Variants in DPP10 observed in about 807,000 individuals in gnomAD.
DPP10 encodes the protein dipeptidyl peptidase like 10.
DPP10 carries 33 observed loss-of-function variants against 120.9 expected under a neutral mutation model. The ratio of observed to expected loss-of-function variants is 0.27; its 90% CI spans 0.21 to 0.37. The LOEUF (loss-of-function observed/expected upper bound fraction) is 0.37, where lower values mean the gene tolerates loss of function less well. Ranked by LOEUF, DPP10 falls within the 10% of genes least tolerant of loss-of-function variation. DPP10 has a pLI of 1.00. For missense variants in DPP10, 816 were observed against 942.8 expected, an observed-to-expected ratio of 0.87 and a Z score of 1.76; for synonymous variants, 337 against 326.1, an observed-to-expected ratio of 1.03 and a Z score of -0.36.
chr2:114,855,667 T>C (rs1689313148), intron 1 of DPP10, among the ~76,000 whole-genome samples: 1 of 152,164 alleles, frequency 6.6e-6, no homozygotes, highest in African/African-American at 2.4e-5. Context: ...TAGAGACAAG[T>C]AGAGACCCTA....
chr2:114,830,789 G>A (rs541984465), intron 1 of DPP10, among the ~76,000 whole-genome samples: 26 of 151,888 alleles, frequency 1.7e-4, no homozygotes, highest in Middle Eastern at 3.4e-3. Context: ...GTATTAAATA[G>A]TAACTTACTC....
chr2:115,215,673 A>C (rs1216779901), intron 1 of DPP10, among the ~76,000 whole-genome samples: 1 of 152,226 alleles, frequency 6.6e-6, no homozygotes, highest in African/African-American at 2.4e-5. Flanking sequence ...ATATGTATTA[A>C]TACAACCCCT....
At chr2:115,360,602 A>T (rs563729052) in intron 3 of DPP10, among the ~76,000 whole-genome samples, 46 of 151,932 alleles carry the variant, frequency 3.0e-4, no homozygotes, top group African/African-American at 9.7e-4. Context: ...TCAGGGGATG[A>T]CTCTCTCACC....
At chr2:115,592,785 A>C (rs994395273) in intron 5 of DPP10, among the ~76,000 whole-genome samples, 1 of 151,848 alleles carries the variant, frequency 6.6e-6, no homozygotes, top group Admixed American at 6.6e-5. Context: ...AGAAAAAAGA[A>C]AGAAAGGAAA....
intron 1 of DPP10, among the ~76,000 whole-genome samples, chr2:115,192,219 G>A (rs1293541249): frequency 1.3e-5 from 2 of 152,168 alleles, no homozygotes; most frequent in Non-Finnish European, 2.9e-5. Context: ...TGCATTATTA[G>A]CAGTTGTACT....
At chr2:114,988,750 A>G (rs1183171541) in intron 1 of DPP10, among the ~76,000 whole-genome samples, 2 of 152,188 alleles carry the variant, frequency 1.3e-5, no homozygotes, top group Non-Finnish European at 2.9e-5. Flanking sequence ...TGACCTCTTA[A>G]TCGTTAAATT....
chr2:115,207,992 T>C (rs1559241296), intron 1 of DPP10, among the ~76,000 whole-genome samples: 3 of 152,128 alleles, frequency 2.0e-5, no homozygotes, highest in Admixed American at 1.3e-4. Flanking sequence ...ATGAATCTAT[T>C]AGCCGATGTA....
At chr2:114,742,711 T>C (rs1678184049) in intron 1 of DPP10, among the ~76,000 whole-genome samples, 1 of 152,258 alleles carries the variant, frequency 6.6e-6, no homozygotes, top group Non-Finnish European at 1.5e-5. Flanking sequence ...GAAACAATAC[T>C]GGTGATCGAA....
intron 1 of DPP10, among the ~76,000 whole-genome samples, chr2:114,997,224 GCACGCCTGTAATTC>G: frequency 6.6e-6 from 1 of 151,220 alleles, no homozygotes; most frequent in Admixed American, 6.6e-5. Flanking sequence ...AGTCATAGAT[GCACGCCTGTAATTC>G]CAGGACTTTA....
chr2:115,625,369 A>C (rs1475795769), intron 5 of DPP10, among the ~76,000 whole-genome samples: 1 of 152,172 alleles, frequency 6.6e-6, no homozygotes, highest in African/African-American at 2.4e-5. Context: ...TTCTGACAAA[A>C]ACAGTCCCAT....
chr2:115,085,833 A>G (rs1160578060), intron 1 of DPP10, among the ~76,000 whole-genome samples: 1 of 152,234 alleles, frequency 6.6e-6, no homozygotes, highest in Non-Finnish European at 1.5e-5. Flanking sequence ...CACATCACAT[A>G]CATATGTGCC....
chr2:114,574,986 A>G (rs1689947301), intron 1 of DPP10, among the ~76,000 whole-genome samples: 1 of 152,134 alleles, frequency 6.6e-6, no homozygotes, highest in African/African-American at 2.4e-5. Flanking sequence ...AATAGTTCTC[A>G]CTCCTCAAAG....
chr2:115,162,759 G>T (rs569263039), intron 1 of DPP10, among the ~76,000 whole-genome samples: 363 of 152,198 alleles, frequency 2.4e-3, no homozygotes, highest in African/African-American at 8.4e-3. Flanking sequence ...GTCTACACCC[G>T]CCAACCCCTT....
intron 1 of DPP10, among the ~76,000 whole-genome samples, chr2:114,515,522 A>G (rs1385121325): frequency 9.1e-6 from 1 of 109,360 alleles, no homozygotes; most frequent in Non-Finnish European, 2.0e-5. Context: ...GGTCTCAAAT[A>G]AAGGTGCCTC....
intron 2 of DPP10, among the ~76,000 whole-genome samples, chr2:115,339,836 A>C (rs1574485584): frequency 6.6e-6 from 1 of 152,174 alleles, no homozygotes; most frequent in East Asian, 1.9e-4. Flanking sequence ...AGAGTGGCAG[A>C]AGAGATCCTA....
intron 3 of DPP10, chr2:115,468,599 C>G: frequency 2.6e-6 from 1 of 390,550 alleles, no homozygotes; most frequent in Non-Finnish European, 5.0e-6. Context: ...GAGTTCTGCA[C>G]TTGTGTGGCA....
At chr2:115,656,295 C>T (rs2088331510) in intron 5 of DPP10, among the ~76,000 whole-genome samples, 1 of 151,444 alleles carries the variant, frequency 6.6e-6, no homozygotes, top group African/African-American at 2.4e-5. Context: ...CTAAATAATA[C>T]AATGGAAAAT....
At chr2:115,023,376 C>T (rs957527230) in intron 1 of DPP10, among the ~76,000 whole-genome samples, 2 of 152,030 alleles carry the variant, frequency 1.3e-5, no homozygotes, top group Non-Finnish European at 1.5e-5. Flanking sequence ...AAATGGCCGA[C>T]AAGCATATGG....
At chr2:114,751,131 CAA>C (rs1679179784) in intron 1 of DPP10, among the ~76,000 whole-genome samples, 1 of 152,176 alleles carries the variant, frequency 6.6e-6, no homozygotes, top group Admixed American at 6.5e-5. Flanking sequence ...GTGGAAATGG[CAA>C]AGAGGTTTAA....
Sources: allele counts gnomAD v4.1 joint callset (sites outside exome capture counted in the v4.1 genomes callset), GRCh38; gene constraint gnomAD v4.1.1; transcripts MANE v1.5; gene names NCBI Gene and HGNC (gene_info 2026-07-23, HGNC 2026-07-21).